Variants in CDH2 observed in about 807,000 individuals in gnomAD.
The protein encoded by CDH2 is cadherin 2, also known as cadherin-2.
A neutral mutation model predicts 92.0 loss-of-function variants in CDH2; 17 were observed. That is an observed-to-expected ratio of 0.18 (90% CI 0.13 to 0.28). The LOEUF is 0.28. Ranked by LOEUF, CDH2 falls within the 10% of genes least tolerant of loss-of-function variation. CDH2 has a pLI of 1.00. For synonymous variants in CDH2, 419 were observed against 415.9 expected, an observed-to-expected ratio of 1.01 and a Z score of -0.09; for missense variants, 862 against 1,133.1, an observed-to-expected ratio of 0.76 and a Z score of 3.44.
intron 2 of CDH2, among the ~76,000 whole-genome samples, chr18:28,125,073 T>C (rs564749291): frequency 2.6e-5 from 4 of 152,302 alleles, no homozygotes; most frequent in East Asian, 1.9e-4. Context: ...AGACTTCTAC[T>C]TTACAATTTA....
At chr18:28,061,849 G>A (rs1289719264) in intron 2 of CDH2, among the ~76,000 whole-genome samples, 1 of 152,046 alleles carries the variant, frequency 6.6e-6, no homozygotes, top group East Asian at 1.9e-4. Context: ...GATCTCATGA[G>A]ACTTACTATC....
At chr18:28,142,401 A>C (rs1406569084) in intron 2 of CDH2, among the ~76,000 whole-genome samples, 1 of 151,974 alleles carries the variant, frequency 6.6e-6, no homozygotes, top group Non-Finnish European at 1.5e-5. Context: ...GCATTAAGAA[A>C]ACTAGACCTA....
chr18:28,091,184 T>G (rs902322217), intron 2 of CDH2, among the ~76,000 whole-genome samples: 1 of 152,208 alleles, frequency 6.6e-6, no homozygotes, highest in African/African-American at 2.4e-5. Flanking sequence ...AAAAGTTTTG[T>G]TTTGTTTTTT....
At chr18:27,946,858 A>C (rs1360553958), downstream of CDH2, among the ~76,000 whole-genome samples, 2 of 151,936 alleles carry the variant, frequency 1.3e-5, no homozygotes, top group Non-Finnish European at 2.9e-5. Flanking sequence ...TAATGATGTA[A>C]TTCACTCTTA....
intron 9 of CDH2, among the ~76,000 whole-genome samples, chr18:27,991,637 T>C (rs374074365): frequency 2.6e-5 from 4 of 152,298 alleles, no homozygotes; most frequent in South Asian, 4.1e-4. Context: ...AACCTAGAAT[T>C]TACAGTGGTT....
At chr18:27,949,741 A>AT (rs1375561041), downstream of CDH2, among the ~76,000 whole-genome samples, 1 of 151,912 alleles carries the variant, frequency 6.6e-6, no homozygotes, top group Non-Finnish European at 1.5e-5. Flanking sequence ...GCGGGTTTCC[A>AT]TTTTTTATTA....
At chr18:28,111,392 G>T (rs2144254156) in intron 2 of CDH2, among the ~76,000 whole-genome samples, 1 of 152,362 alleles carries the variant, frequency 6.6e-6, no homozygotes, top group Middle Eastern at 3.4e-3. Flanking sequence ...TGGAACAGAA[G>T]TGGCTTTTTA....
chr18:28,113,475 GAA>G (rs72389815), intron 2 of CDH2, among the ~76,000 whole-genome samples: 20 of 113,150 alleles, frequency 1.8e-4, no homozygotes, highest in African/African-American at 4.5e-4. Context: ...CCAGCAAAAG[GAA>G]AAAAAAAAAA....
chr18:28,037,673 A>G (rs1156988009), intron 2 of CDH2, among the ~76,000 whole-genome samples: 1 of 152,198 alleles, frequency 6.6e-6, no homozygotes. Flanking sequence ...GAATTCATAC[A>G]AGAAAAAAAA....
At chr18:28,100,033 T>C (rs1010820022) in intron 2 of CDH2, among the ~76,000 whole-genome samples, 1 of 152,084 alleles carries the variant, frequency 6.6e-6, no homozygotes, top group African/African-American at 2.4e-5. Flanking sequence ...ATCCATCCAA[T>C]ATTTACTGAG....
chr18:28,128,677 C>T (rs1442141249), intron 2 of CDH2, among the ~76,000 whole-genome samples: 1 of 151,416 alleles, frequency 6.6e-6, no homozygotes, highest in Admixed American at 6.6e-5. Flanking sequence ...CAGGGCACGA[C>T]CCCGTCTCAA....
chr18:28,137,458 A>G (rs17494961), intron 2 of CDH2, among the ~76,000 whole-genome samples: 2,136 of 152,284 alleles, frequency 0.014, 42 homozygotes, highest in African/African-American at 0.048. Context: ...CTTTCTCCTT[A>G]TAAGTGAGCA....
At chr18:28,057,592 G>A (rs987670400) in intron 2 of CDH2, among the ~76,000 whole-genome samples, 12 of 152,084 alleles carry the variant, frequency 7.9e-5, no homozygotes, top group African/African-American at 1.7e-4. Flanking sequence ...GCTTGAACCC[G>A]GGAGGCGGCA....
At chr18:28,045,764 C>CG (rs2014062823) in intron 2 of CDH2, among the ~76,000 whole-genome samples, 1 of 152,180 alleles carries the variant, frequency 6.6e-6, no homozygotes, top group Non-Finnish European at 1.5e-5. Flanking sequence ...TTTCCCAAAC[C>CG]GAAGCTTCCT....
intron 14 of CDH2, among the ~76,000 whole-genome samples, chr18:27,966,593 T>A (rs931048610): frequency 1.3e-5 from 2 of 152,202 alleles, no homozygotes; most frequent in African/African-American, 2.4e-5. Flanking sequence ...CACCTGAGAA[T>A]AACAAGATCT....
rs1036924930 is a variant in CDH2 at position 28,107,157 on chromosome 18, A to C, written c.172+40516T>G. Among the ~76,000 whole-genome samples the C allele has an allele frequency of 3.3e-5, 5 of 151,982 alleles. No individual in the cohort carries two copies. The South Asian group carries it at 1.0e-3, about 31-fold the overall frequency. Reference sequence around the variant, plus strand: ...CATTTCAGACTACAAAATCAACGTTAATCATTTCAAAGATCTAATAAATTT... The same window carrying C: ...CATTTCAGACTACAAAATCAACGTTCATCATTTCAAAGATCTAATAAATTT... On this transcript the variant is annotated intron_variant, in intron 2 of 15. Coordinates refer to ENST00000269141, the MANE Select transcript of CDH2 (RefSeq NM_001792.5).
intron 2 of CDH2, among the ~76,000 whole-genome samples, chr18:28,106,368 G>A (rs2015321338): frequency 6.6e-6 from 1 of 151,898 alleles, no homozygotes; most frequent in Non-Finnish European, 1.5e-5. Context: ...AGTGAGCCGA[G>A]ATGGCGCTAC....
intron 2 of CDH2, among the ~76,000 whole-genome samples, chr18:28,091,992 C>A (rs1157886681): frequency 6.6e-6 from 1 of 151,812 alleles, no homozygotes; most frequent in Non-Finnish European, 1.5e-5. Flanking sequence ...CTCCCTGTCT[C>A]TTTACGTGGT....
intron 6 of CDH2, among the ~76,000 whole-genome samples, chr18:27,940,612 C>G (rs1336399834): frequency 2.6e-5 from 4 of 152,172 alleles, no homozygotes; most frequent in Non-Finnish European, 5.9e-5. Context: ...ACTTCAGTCT[C>G]CTTGGCTCCC....
Sources: allele counts gnomAD v4.1 joint callset (sites outside exome capture counted in the v4.1 genomes callset), GRCh38; gene constraint gnomAD v4.1.1; transcripts MANE v1.5; gene names NCBI Gene and HGNC (gene_info 2026-07-23, HGNC 2026-07-21).